Variants in PHLPP1 observed in about 807,000 individuals in gnomAD.
PHLPP1 encodes PH domain and leucine rich repeat protein phosphatase 1, also known as PH domain leucine-rich repeat-containing protein phosphatase 1.
Under a neutral mutation model 117.2 loss-of-function variants are expected in PHLPP1, and 42 were observed. The observed-to-expected ratio is 0.36, with a 90% CI of 0.28 to 0.46. The LOEUF (loss-of-function observed/expected upper bound fraction) is 0.46, where lower values mean the gene tolerates loss of function less well. Ranked by LOEUF, PHLPP1 falls within the 20% of genes least tolerant of loss-of-function variation. The pLI, the probability that PHLPP1 is intolerant of heterozygous loss-of-function variation, is 1.00. For synonymous variants in PHLPP1, 1,042 were observed against 970.7 expected, an observed-to-expected ratio of 1.07 and a Z score of -1.37; for missense variants, 2,084 against 2,241.9, an observed-to-expected ratio of 0.93 and a Z score of 1.42.
chr18:62,935,098 A>G (rs181169172), intron 10 of PHLPP1, among the ~76,000 whole-genome samples: 2 of 152,346 alleles, frequency 1.3e-5, no homozygotes, highest in East Asian at 3.9e-4. Flanking sequence ...AACTATCTCT[A>G]TTGCAGTTAA....
At chr18:62,732,439 A>T (rs551779663) in intron 1 of PHLPP1, among the ~76,000 whole-genome samples, 1 of 152,112 alleles carries the variant, frequency 6.6e-6, no homozygotes, top group Non-Finnish European at 1.5e-5. Context: ...CATTTTTGAG[A>T]CCTACTGCTC....
At chr18:62,842,165 A>G (rs1915070311) in intron 3 of PHLPP1, among the ~76,000 whole-genome samples, 1 of 152,242 alleles carries the variant, frequency 6.6e-6, no homozygotes, top group Admixed American at 6.5e-5. Context: ...GGGTCAAATA[A>G]TATTTTAAAG....
At position 62,978,932 on chromosome 18, in the gene PHLPP1, C is replaced by T. The variant is rs1311113249; in HGVS notation, c.4655C>T (p.Pro1552Leu). Residue 1552 changes from proline (P) to leucine (L), a missense_variant, in exon 17 of 17, where the codon CCC (proline) becomes CTC (leucine). Around this residue, in one of 2 missense-constraint regions of PHLPP1, gnomAD observed 1,365 missense variants for 1,605.9 expected, o/e 0.85. Coordinates refer to ENST00000262719, the MANE Select transcript of PHLPP1 (RefSeq NM_194449.4). This position sits in a 1 kb window ranked among gnomAD's most constrained non-coding sequence, Gnocchi z 7.0. ...DNGLDSDDEE[P>L]IEGVFTNGSR... ...GGCCTTGACAGTGACGATGAGGAGC[C>T]CATCGAGGGCGTCTTCACCAACGGC... 6.2e-7 allele frequency: 1 copy of T among 1,608,320 alleles called. No homozygotes were observed. Among genetic ancestry groups the T allele is most frequent in the Non-Finnish European group, 8.5e-7 (1 of 1,177,536 alleles).
chr18:62,882,624 A>G (rs1018344361), intron 4 of PHLPP1, among the ~76,000 whole-genome samples: 6 of 152,186 alleles, frequency 3.9e-5, no homozygotes, highest in African/African-American at 7.2e-5. Flanking sequence ...GTACTTTGAT[A>G]CACTTCCCAA....
Position 62,978,260 on chromosome 18 carries a change from A to G in PHLPP1, c.3985-2A>G. On this transcript the variant is annotated splice_acceptor_variant, in intron 16 of 16. Transcript: ENST00000262719. LOFTEE classifies it high-confidence loss of function. The surrounding 1 kb of genome is among the most constrained non-coding windows in gnomAD (Gnocchi z 7.0). The stretch of plus-strand genomic sequence containing the variant: ...TCTGTCTGCAAACCCTTGTTCTTCC[A>G]GGATGGCAAGGTGAACGGAGTGACT... 6.3e-7 allele frequency: 1 copy of G among 1,578,570 alleles called. No homozygotes were observed. Among genetic ancestry groups the G allele is most frequent in the Non-Finnish European group, 8.7e-7 (1 of 1,153,298 alleles).
chr18:62,783,183 T>C (rs1247711343), intron 1 of PHLPP1, among the ~76,000 whole-genome samples: 4 of 150,438 alleles, frequency 2.7e-5, no homozygotes, highest in African/African-American at 9.7e-5. Context: ...TCACGTATAG[T>C]TACTAGGTCT....
At chr18:62,759,152 C>T (rs1912128948) in intron 1 of PHLPP1, among the ~76,000 whole-genome samples, 1 of 152,052 alleles carries the variant, frequency 6.6e-6, no homozygotes, top group Non-Finnish European at 1.5e-5. Flanking sequence ...TGGTGGGATC[C>T]GTATCAAGGG....
chr18:62,966,190 T>G, intron 14 of PHLPP1, among the ~76,000 whole-genome samples: 1 of 152,022 alleles, frequency 6.6e-6, no homozygotes, highest in Non-Finnish European at 1.5e-5. Context: ...ATCACGTGAG[T>G]TAATATGTAT....
At chr18:62,923,418 C>A (rs1267164448) in intron 10 of PHLPP1, among the ~76,000 whole-genome samples, 2 of 152,144 alleles carry the variant, frequency 1.3e-5, no homozygotes, top group African/African-American at 4.8e-5. Flanking sequence ...GTAATTGCTA[C>A]ATCTCCAGCA....
At chr18:62,757,692 C>T (rs932433412) in intron 1 of PHLPP1, among the ~76,000 whole-genome samples, 1 of 152,198 alleles carries the variant, frequency 6.6e-6, no homozygotes, top group African/African-American at 2.4e-5. Flanking sequence ...TTTAGCAAGA[C>T]ACCTGTGGTC....
Position 62,979,159 on chromosome 18 carries a change from G to A in PHLPP1, c.4882G>A (p.Ala1628Thr). Residue 1628 changes from alanine (A) to threonine (T), a missense_variant, in exon 17 of 17, where the codon GCG becomes ACG. Ala to Thr is a moderately conservative substitution (Grantham distance 58). Transcript: ENST00000262719. ...GCGCCGGAGGGCCAATGGCTCTGTT[G>A]CGCCCCAGGAAAGGAGCCACAATGT... ...IGRRRANGSV[A>T]PQERSHNVIE... The A allele has an allele frequency of 6.2e-7, 1 of 1,613,906 alleles. No homozygotes were observed. The highest frequency in any genetic ancestry group is 1.1e-5 in the South Asian group (1 of 91,068).
chr18:62,827,491 G>A lies in PHLPP1; in HGVS notation c.1577-2544G>A, dbSNP rs115001668. Among the ~76,000 whole-genome samples the A allele has an allele frequency of 6.0e-3, 918 of 152,290 alleles. 4 individuals are homozygous for A. The highest frequency in any genetic ancestry group is 0.02 in the African/African-American group (848 of 41,552). Reference sequence around the variant, plus strand: ...AAAAGGAGGGTGCACCTGGGTGATTGTCTAGGTATATATTACCTCATTCAT... The same window carrying A: ...AAAAGGAGGGTGCACCTGGGTGATTATCTAGGTATATATTACCTCATTCAT... On this transcript the variant is annotated intron_variant, in intron 1 of 16. Coordinates refer to ENST00000262719, the MANE Select transcript of PHLPP1 (RefSeq NM_194449.4).
chr18:62,895,187 T>G (rs1487601160), intron 5 of PHLPP1, 30 bp downstream of exon 5: 2 of 1,602,830 alleles, frequency 1.2e-6, no homozygotes, highest in African/African-American at 2.7e-5. Context: ...CTGGCGGGTA[T>G]ATCCAGAAGC....
chr18:62,953,306 A>G (rs374460888), intron 12 of PHLPP1, among the ~76,000 whole-genome samples: 6 of 152,154 alleles, frequency 3.9e-5, no homozygotes, highest in South Asian at 2.1e-4. Context: ...CTGGGGCCCA[A>G]TAGTCTCCAG....
At chr18:62,810,810 AT>A (rs1418332230) in intron 1 of PHLPP1, among the ~76,000 whole-genome samples, 1 of 152,230 alleles carries the variant, frequency 6.6e-6, no homozygotes, top group Non-Finnish European at 1.5e-5. Context: ...TTAATTAAAA[AT>A]AAAAACGTTG....
At position 62,807,279 on chromosome 18, in the gene PHLPP1, C is replaced by A. The variant is rs138525697; in HGVS notation, c.1577-22756C>A. 7.2e-5 allele frequency among the ~76,000 whole-genome samples: 11 copies of A among 152,066 alleles called. No homozygotes were observed. The East Asian group carries it at 1.9e-3, about 27-fold the overall frequency. ...TAATAATCGGTCTTAGTTTTTCCAGCAAGTTATATTTTCTATTAATTGTAA... is the reference window on the plus strand; with the variant it reads ...TAATAATCGGTCTTAGTTTTTCCAGAAAGTTATATTTTCTATTAATTGTAA... On this transcript the variant is annotated intron_variant, in intron 1 of 16. Coordinates refer to ENST00000262719, the MANE Select transcript of PHLPP1 (RefSeq NM_194449.4).
chr18:62,749,947 C>T (rs908428045), intron 1 of PHLPP1, among the ~76,000 whole-genome samples: 5 of 152,122 alleles, frequency 3.3e-5, no homozygotes, highest in African/African-American at 7.2e-5. Context: ...ACCCCGGAGG[C>T]GGAGATTGCA....
chr18:62,822,124 A>G (rs572103900), intron 1 of PHLPP1, among the ~76,000 whole-genome samples: 322 of 152,202 alleles, frequency 2.1e-3, no homozygotes, highest in African/African-American at 7.4e-3. Context: ...TAAATTCATC[A>G]TAATCATCTT....
intron 3 of PHLPP1, among the ~76,000 whole-genome samples, chr18:62,841,596 T>C (rs1371661284): frequency 6.6e-6 from 1 of 152,106 alleles, no homozygotes. Context: ...CCTACCAAAG[T>C]GCTGGGATTA....
Sources: gnomAD v4.1 joint callset for allele counts (sites outside exome capture counted in the v4.1 genomes callset) on GRCh38, gnomAD v4.1.1 for gene constraint, gnomAD v4.1.1 regional missense constraint, Gnocchi (gnomAD v3.1) non-coding constraint, MANE v1.5 for transcripts, NCBI Gene and HGNC (gene_info 2026-07-23, HGNC 2026-07-21) for gene names.